The following SUSD4 variants were observed in gnomAD, a reference collection of about 807,000 sequenced individuals.
The protein encoded by SUSD4 is sushi domain-containing protein 4.
Under a neutral mutation model 50.5 loss-of-function variants are expected in SUSD4, and 41 were observed. The observed-to-expected ratio is 0.81, with a 90% CI of 0.63 to 1.05. The LOEUF is 1.05. Ranked by LOEUF, SUSD4 falls within the 50% of genes least tolerant of loss-of-function variation. The pLI is 0.00. For missense variants in SUSD4, 580 were observed against 634.7 expected (o/e 0.91, Z 0.93); for synonymous variants, 257 against 257.3 (o/e 1.00, Z 0.01).
At chr1:223,242,865 G>A (rs138736301) in intron 5 of SUSD4, among the ~76,000 whole-genome samples, 1,658 of 152,288 alleles carry the variant, frequency 0.011, 13 homozygotes, top group Non-Finnish European at 0.017. Flanking sequence ...GGGTGAAGTC[G>A]CTGGAGAGTG....
chr1:223,331,651 A>G (rs1366486562), intron 2 of SUSD4, among the ~76,000 whole-genome samples: 1 of 152,194 alleles, frequency 6.6e-6, no homozygotes, highest in Non-Finnish European at 1.5e-5. Context: ...ACTTTCAAAC[A>G]GCAACTTGCC....
chr1:223,241,461 T>C lies in SUSD4; in HGVS notation c.725-12073A>G, dbSNP rs567711856. On this transcript the variant is annotated intron_variant, in intron 5 of 8. Coordinates refer to ENST00000366878, the MANE Select transcript of SUSD4 (RefSeq NM_017982.4). ...CTTGTTTCCCTTGGTGGTTTCCACC[T>C]GTGTATCTCCACTCAGGTAAGCCGT... 7.9e-5 allele frequency among the ~76,000 whole-genome samples: 12 copies of C among 152,360 alleles called. No individual in the cohort carries two copies. In the South Asian group the frequency reaches 8.3e-4, roughly 11 times the overall value.
intron 2 of SUSD4, among the ~76,000 whole-genome samples, chr1:223,343,708 A>T (rs1281512723): frequency 6.6e-6 from 1 of 152,212 alleles, no homozygotes; most frequent in Non-Finnish European, 1.5e-5. Flanking sequence ...ATTTTCTAAA[A>T]AATTCAACAA....
At chr1:223,253,548 G>A (rs148365423) in intron 5 of SUSD4, among the ~76,000 whole-genome samples, 246 of 152,220 alleles carry the variant, frequency 1.6e-3, no homozygotes, top group African/African-American at 5.8e-3. Flanking sequence ...GGGAACTGGG[G>A]TGGAGAAGGA....
At chr1:223,234,796 C>T (rs1571848383) in intron 5 of SUSD4, 1 of 990,824 alleles carries the variant, frequency 1.0e-6, no homozygotes, top group Non-Finnish European at 1.4e-6. Context: ...GAGATACACA[C>T]TAAAATAAAG....
chr1:223,225,093 C>G (rs1477472395), intron 7 of SUSD4, among the ~76,000 whole-genome samples: 1 of 152,006 alleles, frequency 6.6e-6, no homozygotes, highest in Non-Finnish European at 1.5e-5. Context: ...TGGTCTTGAA[C>G]TCCTGACCTC....
chr1:223,259,410 A>G (rs989399173), intron 5 of SUSD4, among the ~76,000 whole-genome samples: 3 of 152,290 alleles, frequency 2.0e-5, no homozygotes, highest in Middle Eastern at 3.4e-3. Flanking sequence ...AGTGGATGGC[A>G]GCTACAATTA....
intron 7 of SUSD4, among the ~76,000 whole-genome samples, chr1:223,225,971 CAAG>C (rs1456535521): frequency 6.6e-6 from 1 of 152,152 alleles, no homozygotes; most frequent in Non-Finnish European, 1.5e-5. Flanking sequence ...CAAAACAACT[CAAG>C]AATAATATAA....
intron 2 of SUSD4, among the ~76,000 whole-genome samples, chr1:223,335,457 C>T (rs1216421655): frequency 6.0e-3 from 1 of 166 alleles, no homozygotes; most frequent in African/African-American, 0.026. Context: ...AATATTTACC[C>T]CATATCTCTT....
chr1:223,326,425 C>T (rs1255028964), intron 2 of SUSD4, among the ~76,000 whole-genome samples: 1 of 152,118 alleles, frequency 6.6e-6, no homozygotes, highest in Non-Finnish European at 1.5e-5. Flanking sequence ...CTTTTCTAAA[C>T]ATCAGCCTAG....
Position 223,264,788 on chromosome 1 carries a change from C to T in SUSD4, c.566G>A (p.Gly189Asp), listed in dbSNP as rs1286696724. 6.2e-7 allele frequency: 1 copy of T among 1,614,002 alleles called. No homozygotes were observed. Among genetic ancestry groups the T allele is most frequent in the Non-Finnish European group, 8.5e-7 (1 of 1,180,030 alleles). ...CTGGAGCTCAGAGATGTTTACATAG[C>T]CATTAGAAGAGGCTAGAGGTCTCAG... The part of the protein sequence containing the change: ...GCLRPLASSN[G>D]YVNISELQTS... Residue 189 changes from glycine (G) to aspartate (D), a missense_variant, in exon 5 of 9, where the codon GGC becomes GAC. By Grantham distance (94) the Gly-to-Asp change is moderately conservative. Coordinates refer to ENST00000366878, the MANE Select transcript of SUSD4 (RefSeq NM_017982.4).
chr1:223,356,289 A>G (rs967727435), intron 2 of SUSD4, among the ~76,000 whole-genome samples: 5 of 152,148 alleles, frequency 3.3e-5, no homozygotes, highest in Admixed American at 3.3e-4. Flanking sequence ...AGCTCATACC[A>G]TGAAACATGG....
chr1:223,270,273 G>A (rs1037596971), intron 3 of SUSD4, among the ~76,000 whole-genome samples: 1 of 152,136 alleles, frequency 6.6e-6, no homozygotes, highest in Non-Finnish European at 1.5e-5. Context: ...TGAGAGCAGG[G>A]ACTGTGTTGC....
chr1:223,311,305 C>T (rs545590372), intron 2 of SUSD4, among the ~76,000 whole-genome samples: 22 of 152,160 alleles, frequency 1.4e-4, no homozygotes, highest in Non-Finnish European at 2.9e-4. Context: ...AATGGGTTGA[C>T]GAAATACCAC....
chr1:223,363,380 G>T lies in SUSD4; in HGVS notation c.46C>A (p.Gln16Lys). The change falls in exon 2 of 9, where the codon CAG (glutamine) becomes AAG (lysine). Residue 16 changes from glutamine to lysine, a missense_variant. Gln to Lys is a moderately conservative substitution (Grantham distance 53). Transcript: ENST00000366878. ...TGAGGTTGCTGCTGCTGCTGCTGCT[G>T]CTCTAGAAATCCATCTCCATTGCTC... ...NPSNGDGFLE[Q>K]QQQQQQPQSP... The T allele has an allele frequency of 6.3e-7, 1 of 1,588,728 alleles. No individual in the cohort carries two copies.
At chr1:223,262,825 G>A (rs762522970) in intron 5 of SUSD4, among the ~76,000 whole-genome samples, 13 of 152,104 alleles carry the variant, frequency 8.5e-5, no homozygotes, top group Non-Finnish European at 1.8e-4. Flanking sequence ...GAAAAAAGAC[G>A]CTAAGTGGCC....
intron 3 of SUSD4, among the ~76,000 whole-genome samples, chr1:223,289,838 A>G (rs1157838953): frequency 2.0e-5 from 3 of 152,196 alleles, no homozygotes; most frequent in Admixed American, 6.5e-5. Context: ...GTAACAGATT[A>G]GAGTGGGGCT....
intron 5 of SUSD4, among the ~76,000 whole-genome samples, chr1:223,241,034 T>C (rs140206468): frequency 2.6e-5 from 4 of 152,252 alleles, no homozygotes; most frequent in Non-Finnish European, 5.9e-5. Context: ...CAGCTTTGTT[T>C]TGTTTCCCTT....
chr1:223,354,399 T>C lies in SUSD4; in HGVS notation c.148+8879A>G, dbSNP rs190237841. On this transcript the variant is annotated intron_variant, in intron 2 of 8. Coordinates refer to ENST00000366878, the MANE Select transcript of SUSD4 (RefSeq NM_017982.4). The stretch of plus-strand genomic sequence containing the variant: ...AGCAATGCTATAAACGGAAGAATGA[T>C]AGAAAAAAGCCTAGTCCACCATTTA... Among the ~76,000 whole-genome samples the C allele has an allele frequency of 8.7e-3, 1,301 of 149,668 alleles. 6 individuals are homozygous for C. The highest frequency in any genetic ancestry group is 0.017 in the South Asian group (80 of 4,744).
Sources: allele counts gnomAD v4.1 joint callset (sites outside exome capture counted in the v4.1 genomes callset), GRCh38; gene constraint gnomAD v4.1.1; transcripts MANE v1.5; gene names NCBI Gene and HGNC (gene_info 2026-07-23, HGNC 2026-07-21).